Variants in SLC1A7 observed in about 807,000 individuals in gnomAD.
The protein encoded by SLC1A7 is solute carrier family 1 member 7, also known as excitatory amino acid transporter 5.
In SLC1A7, 40 loss-of-function variants were observed where a neutral mutation model predicts 47.7. The observed-to-expected ratio is 0.84, with a 90% CI of 0.65 to 1.09. The LOEUF is 1.09. Ranked by LOEUF, SLC1A7 falls within the 50% of genes least tolerant of loss-of-function variation. The pLI is 0.00. For synonymous variants in SLC1A7, 323 were observed against 325.6 expected (o/e 0.99, Z 0.09); for missense variants, 746 against 769.5 (o/e 0.97, Z 0.36).
chr1:53,141,315 G>A (rs763766540), intron 1 of SLC1A7, among the ~76,000 whole-genome samples: 40 of 151,644 alleles, frequency 2.6e-4, no homozygotes, highest in Admixed American at 7.2e-4. Flanking sequence ...TTCTGTCCCC[G>A]ACCCCCTCCC....
At chr1:53,127,504 G>C (rs530865082) in intron 2 of SLC1A7, among the ~76,000 whole-genome samples, 3 of 152,324 alleles carry the variant, frequency 2.0e-5, no homozygotes, top group African/African-American at 7.2e-5. Flanking sequence ...CCAGGAGAGA[G>C]AAGGAGGTGG....
intron 2 of SLC1A7, among the ~76,000 whole-genome samples, chr1:53,129,881 G>A (rs1644924027): frequency 1.1e-5 from 1 of 94,860 alleles, no homozygotes. Flanking sequence ...ATCCCCTCCT[G>A]GGATCTCAGA....
intron 2 of SLC1A7, among the ~76,000 whole-genome samples, chr1:53,119,326 G>T (rs1298457846): frequency 6.6e-6 from 1 of 152,194 alleles, no homozygotes; most frequent in Admixed American, 6.5e-5. Context: ...TGGGGGAAAA[G>T]ATCTGGTTTG....
In SLC1A7 at chr1:53,090,824, G is replaced by A. The variant is rs766095423; in HGVS notation, c.1032-18C>T. 24 of 1,595,772 alleles carry A rather than the reference G, an allele frequency of 1.5e-5. No individual in the cohort carries two copies. The South Asian group carries it at 1.7e-4, about 11-fold the overall frequency. ...TGGCTGAGCTACGGTTAGAGGGGCC[G>A]GTGTCTGCCCAGCACCCTCCTCCAG... On this transcript the variant is annotated intron_variant, in intron 7 of 10. Coordinates refer to ENST00000371494, the MANE Select transcript of SLC1A7 (RefSeq NM_006671.6).
At chr1:53,136,029 A>C (rs11206107) in intron 1 of SLC1A7, among the ~76,000 whole-genome samples, 7 of 151,586 alleles carry the variant, frequency 4.6e-5, no homozygotes, top group African/African-American at 1.5e-4. Flanking sequence ...GCTGAACCGC[A>C]AAAGGGAGGT....
chr1:53,110,198 G>A (rs1644687164), intron 3 of SLC1A7, among the ~76,000 whole-genome samples: 1 of 152,168 alleles, frequency 6.6e-6, no homozygotes, highest in Admixed American at 6.5e-5. Context: ...AGAGCTAGAC[G>A]GGATCTTGAA....
chr1:53,099,039 G>GCCTCTGTAAACTCACAACCCA (rs1644536165), intron 5 of SLC1A7, among the ~76,000 whole-genome samples: 1 of 143,494 alleles, frequency 7.0e-6, no homozygotes, highest in Non-Finnish European at 1.5e-5. Flanking sequence ...CTCACACCCT[G>GCCTCTGTAAACTCACAACCCA]CCTCTGTACA....
chr1:53,131,106 G>A (rs1385197988), intron 2 of SLC1A7, among the ~76,000 whole-genome samples: 4 of 152,208 alleles, frequency 2.6e-5, no homozygotes, highest in African/African-American at 7.2e-5. Flanking sequence ...GTATGAACAC[G>A]TCCTGGCTTT....
intron 2 of SLC1A7, among the ~76,000 whole-genome samples, chr1:53,132,702 T>C (rs997634006): frequency 6.7e-5 from 10 of 150,306 alleles, no homozygotes; most frequent in African/African-American, 2.4e-4. Context: ...AAAAAATAAT[T>C]AGGTGTGGTG....
At chr1:53,140,921 A>G (rs1043336562) in intron 1 of SLC1A7, among the ~76,000 whole-genome samples, 8 of 152,106 alleles carry the variant, frequency 5.3e-5, no homozygotes. Flanking sequence ...GTTCTCCAGG[A>G]GTGGGTGTTT....
intron 2 of SLC1A7, among the ~76,000 whole-genome samples, chr1:53,129,525 AGGAGGGACTTGGGC>A (rs1194837152): frequency 1.4e-3 from 140 of 96,662 alleles, no homozygotes; most frequent in Middle Eastern, 6.5e-3. Context: ...CACATGTCTG[AGGAGGGACTTGGGC>A]CAGGGGCTGG....
chr1:53,141,333 G>T (rs1056566801), intron 1 of SLC1A7, among the ~76,000 whole-genome samples: 3 of 151,756 alleles, frequency 2.0e-5, no homozygotes, highest in African/African-American at 4.8e-5. Flanking sequence ...CCCTCTGCTC[G>T]CTGGCTATAA....
Position 53,105,779 on chromosome 1 carries a change from G to C in SLC1A7, c.432-5C>G, listed in dbSNP as rs780760434. On this transcript the variant is annotated splice_polypyrimidine_tract_variant and splice_region_variant and intron_variant, in intron 3 of 10. Transcript: ENST00000371494. ...AGGTTGGCTGGGAACATGTTCCTAG[G>C]AAGAGAATCAGCAATTGAAAAATTC... is the stretch of plus-strand genomic sequence containing the variant. The C allele has an allele frequency of 1.2e-6, 2 of 1,613,152 alleles. No homozygotes were observed. Among genetic ancestry groups the C allele is most frequent in the Admixed American group, 1.7e-5 (1 of 59,988 alleles).
At position 53,106,476 on chromosome 1, in the gene SLC1A7, T is replaced by C. The variant is rs376678854; in HGVS notation, c.432-702A>G. ...AAAATTAGCTGGGCACGGTGGCGGGTGCCTGTAGTCCCAGCTACTCAGGAG... is the reference window on the plus strand; with the variant it reads ...AAAATTAGCTGGGCACGGTGGCGGGCGCCTGTAGTCCCAGCTACTCAGGAG... On this transcript the variant is annotated intron_variant, in intron 3 of 10. Coordinates refer to ENST00000371494, the MANE Select transcript of SLC1A7 (RefSeq NM_006671.6). Among the ~76,000 whole-genome samples, 85 of 151,594 alleles carry C rather than the reference T, an allele frequency of 5.6e-4. 1 individual carries two copies. Among genetic ancestry groups the C allele is most frequent in the South Asian group, 5.0e-3 (24 of 4,794 alleles).
intron 3 of SLC1A7, among the ~76,000 whole-genome samples, chr1:53,107,616 C>G (rs1018676005): frequency 6.6e-6 from 1 of 152,152 alleles, no homozygotes; most frequent in Non-Finnish European, 1.5e-5. Context: ...AACCACAAAG[C>G]AAGTGACGAG....
At chr1:53,122,503 G>A (rs1644836792) in intron 2 of SLC1A7, among the ~76,000 whole-genome samples, 1 of 152,174 alleles carries the variant, frequency 6.6e-6, no homozygotes, top group South Asian at 2.1e-4. Context: ...TTTCCCCTGA[G>A]CAGAAGGCAG....
chr1:53,105,721 G>C lies in SLC1A7; in HGVS notation c.474+11C>G, dbSNP rs761172810. 11 of 1,607,814 alleles carry C rather than the reference G, an allele frequency of 6.8e-6. No individual in the cohort carries two copies. The highest frequency in any genetic ancestry group is 1.7e-5 in the Admixed American group (1 of 59,948). On this transcript the variant is annotated intron_variant, in intron 4 of 10. Coordinates refer to ENST00000371494, the MANE Select transcript of SLC1A7 (RefSeq NM_006671.6). ...CCTTCCCTCCCCTCCACTGCCCAGA[G>C]ACTCACTCACCTGTTTGAATGTGGC...
chr1:53,094,077 C>T (rs1340301318), intron 5 of SLC1A7, among the ~76,000 whole-genome samples: 2 of 152,264 alleles, frequency 1.3e-5, no homozygotes, highest in Admixed American at 6.5e-5. Context: ...AAGCCATCCC[C>T]GATCCCCTTT....
chr1:53,093,861 C>T (rs537018267), intron 5 of SLC1A7, among the ~76,000 whole-genome samples: 4 of 152,340 alleles, frequency 2.6e-5, no homozygotes, highest in South Asian at 4.1e-4. Context: ...CCCGCTGCCT[C>T]ACCCAGCTCG....
Sources: allele counts gnomAD v4.1 joint callset (sites outside exome capture counted in the v4.1 genomes callset), GRCh38; gene constraint gnomAD v4.1.1; transcripts MANE v1.5; gene names NCBI Gene and HGNC (gene_info 2026-07-23, HGNC 2026-07-21).